REDIC1: variants seen among roughly 807,000 people sequenced by gnomAD.
REDIC1 encodes HEI10 Interacting Protein 1.
chr12:39,682,646 C>G, the REDIC1 span: 1 of 1,602,130 alleles, frequency 6.2e-7, no homozygotes, highest in Admixed American at 1.7e-5. Context: ...AAAAGCCCTG[C>G]TGTAATTATG....
the REDIC1 span, among the ~76,000 whole-genome samples, chr12:39,801,694 T>C: frequency 2.0e-5 from 3 of 152,202 alleles, no homozygotes; most frequent in African/African-American, 4.8e-5. Context: ...TTTTCTGAAT[T>C]TTAGCAAATT....
the REDIC1 span, among the ~76,000 whole-genome samples, chr12:39,868,108 T>G: frequency 6.6e-6 from 1 of 152,220 alleles, no homozygotes; most frequent in Non-Finnish European, 1.5e-5. Context: ...TCAATCTGGT[T>G]ATTGTCAAGT....
the REDIC1 span, among the ~76,000 whole-genome samples, chr12:39,785,105 G>T: frequency 6.6e-6 from 1 of 152,192 alleles, no homozygotes; most frequent in Non-Finnish European, 1.5e-5. Context: ...GTAGCAAGGG[G>T]CCTAATGTGA....
At chr12:39,882,777 T>G in the REDIC1 span, among the ~76,000 whole-genome samples, 3 of 152,240 alleles carry the variant, frequency 2.0e-5, no homozygotes, top group African/African-American at 7.2e-5. Context: ...CTTCTACATT[T>G]GCTGCTAGAA....
the REDIC1 span, among the ~76,000 whole-genome samples, chr12:39,729,602 G>A: frequency 6.6e-6 from 1 of 152,340 alleles, no homozygotes; most frequent in South Asian, 2.1e-4. Flanking sequence ...TTTAGAATAA[G>A]TGTGATGTGG....
chr12:39,689,493 TAC>T, the REDIC1 span, among the ~76,000 whole-genome samples: 1 of 152,218 alleles, frequency 6.6e-6, no homozygotes, highest in Non-Finnish European at 1.5e-5. Context: ...CAATTATATA[TAC>T]AGGGCTTGAG....
chr12:39,901,827 C>G, the REDIC1 span, among the ~76,000 whole-genome samples: 1 of 146,264 alleles, frequency 6.8e-6, no homozygotes, highest in African/African-American at 2.5e-5. Flanking sequence ...TTTGACCCAG[C>G]CATCCCATTA....
At chr12:39,656,248 T>C in the REDIC1 span, among the ~76,000 whole-genome samples, 2 of 152,224 alleles carry the variant, frequency 1.3e-5, no homozygotes, top group East Asian at 3.8e-4. Flanking sequence ...GAAGAGTTTG[T>C]ATAGAAAGCA....
At chr12:39,748,751 G>C in the REDIC1 span, among the ~76,000 whole-genome samples, 4 of 152,108 alleles carry the variant, frequency 2.6e-5, no homozygotes, top group African/African-American at 9.7e-5. Context: ...AACTAGAACT[G>C]AAGATTAAGA....
the REDIC1 span, among the ~76,000 whole-genome samples, chr12:39,666,864 A>T: frequency 2.2e-4 from 33 of 152,232 alleles, no homozygotes; most frequent in East Asian, 4.2e-3. Flanking sequence ...AGAGGTGTTT[A>T]TAGTATTCTC....
the REDIC1 span, chr12:39,829,946 G>T: frequency 2.2e-6 from 2 of 928,070 alleles, no homozygotes; most frequent in Non-Finnish European, 3.3e-6. Context: ...CAATTGCAAT[G>T]CTTTGCATCC....
chr12:39,739,835 GA>G, the REDIC1 span, among the ~76,000 whole-genome samples: 3 of 152,164 alleles, frequency 2.0e-5, no homozygotes, highest in African/African-American at 7.2e-5. Flanking sequence ...ATTGTGACTT[GA>G]TTTTGCCCAT....
At chr12:39,680,368 T>A in the REDIC1 span, among the ~76,000 whole-genome samples, 1 of 151,924 alleles carries the variant, frequency 6.6e-6, no homozygotes, top group African/African-American at 2.4e-5. Context: ...TCAACAGATA[T>A]GAAAAAATGC....
At chr12:39,670,531 G>A in the REDIC1 span, among the ~76,000 whole-genome samples, 1 of 152,144 alleles carries the variant, frequency 6.6e-6, no homozygotes, top group Non-Finnish European at 1.5e-5. Context: ...TGTGGTGGGA[G>A]ATAAGACCTT....
chr12:39,637,039 T>C, the REDIC1 span, among the ~76,000 whole-genome samples: 1 of 152,016 alleles, frequency 6.6e-6, no homozygotes, highest in East Asian at 1.9e-4. Flanking sequence ...AGCATGGTTG[T>C]TTTTCCCTCT....
the REDIC1 span, chr12:39,758,216 A>C: frequency 1.3e-5 from 2 of 151,682 alleles, no homozygotes; most frequent in Non-Finnish European, 3.0e-5. Context: ...CAAAGGGAGA[A>C]AACGTTTTTG....
the REDIC1 span, among the ~76,000 whole-genome samples, chr12:39,698,014 C>T: frequency 6.6e-6 from 1 of 152,048 alleles, no homozygotes; most frequent in Non-Finnish European, 1.5e-5. Flanking sequence ...ATAAGAAACA[C>T]ATTTCACCTA....
chr12:39,703,678 T>C, the REDIC1 span, among the ~76,000 whole-genome samples: 2 of 152,112 alleles, frequency 1.3e-5, no homozygotes, highest in African/African-American at 4.8e-5. Context: ...GACTTCAAAC[T>C]ATACTACAAG....
chr12:39,905,698 C>T, the REDIC1 span, among the ~76,000 whole-genome samples: 1 of 151,792 alleles, frequency 6.6e-6, no homozygotes, highest in East Asian at 1.9e-4. Flanking sequence ...AAACATGCTA[C>T]AGAATCACAC....
Sources: allele counts gnomAD v4.1 joint callset (sites outside exome capture counted in the v4.1 genomes callset), GRCh38; gene constraint gnomAD v4.1.1; transcripts MANE v1.5; gene names NCBI Gene and HGNC (gene_info 2026-07-23, HGNC 2026-07-21).